Variants in CNTNAP4 observed in about 807,000 individuals in gnomAD.
CNTNAP4 encodes contactin associated protein family member 4, also known as contactin-associated protein-like 4.
CNTNAP4 carries 98 observed loss-of-function variants against 148.4 expected under a neutral mutation model. That is an observed-to-expected ratio of 0.66 (90% confidence interval 0.56 to 0.78). The LOEUF (loss-of-function observed/expected upper bound fraction) is 0.78, where lower values mean the gene tolerates loss of function less well. Among genes scored for constraint, CNTNAP4 ranks in the 30% least tolerant of loss-of-function variants. The pLI is 0.00. For synonymous variants in CNTNAP4, 730 were observed against 565.1 expected (o/e 1.29, Z -4.14); for missense variants, 1,935 against 1,565.6 (o/e 1.24, Z -3.98).
At chr16:76,522,719 T>TCTTGACAGAG (rs1446183871) in intron 17 of CNTNAP4, among the ~76,000 whole-genome samples, 1 of 52,320 alleles carries the variant, frequency 1.9e-5, no homozygotes, top group African/African-American at 8.4e-5. Flanking sequence ...TTCTTTTCTT[T>TCTTGACAGAG]TCTTTTCTTT....
Position 76,388,785 on chromosome 16 carries a change from A to G in CNTNAP4, c.390+33274A>G, listed in dbSNP as rs186491220. Among the ~76,000 whole-genome samples the G allele has an allele frequency of 9.2e-5, 14 of 152,342 alleles. No individual in the cohort carries two copies. The East Asian group carries it at 2.5e-3, about 27-fold the overall frequency. On this transcript the variant is annotated intron_variant, in intron 3 of 23. Transcript: ENST00000611870. The stretch of plus-strand genomic sequence containing the variant: ...GTTATTTATTGATATTTTACATACA[A>G]GGAAATGGGAATCAGAGACTTTTGT...
intron 17 of CNTNAP4, among the ~76,000 whole-genome samples, chr16:76,529,267 A>G (rs756835971): frequency 5.9e-5 from 9 of 151,698 alleles, no homozygotes; most frequent in Non-Finnish European, 1.3e-4. Context: ...TGTGTGATTT[A>G]TGCCTATCTT....
chr16:76,440,592 G>A (rs1017583862), intron 4 of CNTNAP4, among the ~76,000 whole-genome samples: 2 of 152,054 alleles, frequency 1.3e-5, no homozygotes, highest in African/African-American at 4.8e-5. Context: ...TAGGTTTATG[G>A]AACCTACTTG....
At chr16:76,475,718 G>A (rs1224439916) in intron 10 of CNTNAP4, among the ~76,000 whole-genome samples, 1 of 152,162 alleles carries the variant, frequency 6.6e-6, no homozygotes, top group East Asian at 1.9e-4. Context: ...GGGACATGTT[G>A]AAAATTAAGC....
chr16:76,535,085 A>G lies in CNTNAP4; in HGVS notation c.2756-460A>G, dbSNP rs2084158554. Among the ~76,000 whole-genome samples, 3 of 152,228 alleles carry G rather than the reference A, an allele frequency of 2.0e-5. No homozygotes were observed. In the South Asian group the frequency reaches 6.2e-4, roughly 31 times the overall value. ...GAATGGATAACAACCAAAGGACCAT[A>G]TCAATGCACCATCAGAAGATCTCAA... is the stretch of plus-strand genomic sequence containing the variant. On this transcript the variant is annotated intron_variant, in intron 17 of 23. Coordinates refer to ENST00000611870, the MANE Select transcript of CNTNAP4 (RefSeq NM_033401.5).
Position 76,553,321 on chromosome 16 carries a change from G to A in CNTNAP4, c.3481G>A (p.Ala1161Thr), listed in dbSNP as rs1745053434. 1 of 1,612,900 alleles carries A rather than the reference G, an allele frequency of 6.2e-7. No individual in the cohort carries two copies. Among genetic ancestry groups the A allele is most frequent in the South Asian group, 1.1e-5 (1 of 90,910 alleles). Residue 1161 changes from alanine (A) to threonine (T), a missense_variant, in exon 22 of 24, where the codon GCG becomes ACG. Physicochemically the swap from Ala to Thr is moderately conservative, Grantham distance 58. Transcript: ENST00000611870. ...DVDQDTALAGAQGFTGCLSAV... is the reference protein window; with the variant it reads ...DVDQDTALAGTQGFTGCLSAV... ...GGACCAGGATACTGCACTGGCAGGTGCGCAGGGCTTCACAGGCTGCCTCTC... is the reference window on the plus strand; with the variant it reads ...GGACCAGGATACTGCACTGGCAGGTACGCAGGGCTTCACAGGCTGCCTCTC...
intron 3 of CNTNAP4, among the ~76,000 whole-genome samples, chr16:76,392,449 A>G (rs1447967594): frequency 6.6e-6 from 1 of 152,220 alleles, no homozygotes; most frequent in Non-Finnish European, 1.5e-5. Flanking sequence ...AAAAATAGCT[A>G]CTAGAGAAAT....
chr16:76,308,947 T>A (rs1960792233), intron 1 of CNTNAP4, among the ~76,000 whole-genome samples: 1 of 151,634 alleles, frequency 6.6e-6, no homozygotes, highest in Non-Finnish European at 1.5e-5. Context: ...GCCTCAGCCG[T>A]CTGAGTAGCT....
rs185003575 is a variant in CNTNAP4, at chr16:76,430,415, A to G, written c.538+2816A>G. 1.7e-3 allele frequency among the ~76,000 whole-genome samples: 261 copies of G among 152,266 alleles called. 1 individual carries two copies. Among genetic ancestry groups the G allele is most frequent in the African/African-American group, 5.8e-3 (240 of 41,558 alleles). On this transcript the variant is annotated intron_variant, in intron 4 of 23. Transcript: ENST00000611870. ...CTCAGAAGGAAGGGCTGTAGTTGCT[A>G]TCATCACAAGTATCCTGTTGCAAGA...
At chr16:76,477,606 G>T (rs2081639604) in intron 11 of CNTNAP4, among the ~76,000 whole-genome samples, 1 of 151,972 alleles carries the variant, frequency 6.6e-6, no homozygotes, top group Non-Finnish European at 1.5e-5. Flanking sequence ...GTCATTTCTG[G>T]GCATGAATTG....
chr16:76,339,355 A>G (rs11864949), intron 2 of CNTNAP4, among the ~76,000 whole-genome samples: 5,449 of 152,208 alleles, frequency 0.036, 336 homozygotes, highest in African/African-American at 0.13. Context: ...ACGATAGGTT[A>G]TACATAGTGT....
chr16:76,455,215 T>C (rs1347347335), intron 8 of CNTNAP4, among the ~76,000 whole-genome samples: 1 of 152,170 alleles, frequency 6.6e-6, no homozygotes, highest in Admixed American at 6.5e-5. Context: ...AGCAGTACAG[T>C]TTTATGTTCC....
intron 1 of CNTNAP4, among the ~76,000 whole-genome samples, chr16:76,302,249 A>G (rs185781733): frequency 1.7e-3 from 256 of 152,330 alleles, no homozygotes; most frequent in African/African-American, 6.0e-3. Flanking sequence ...AGTAGATCTG[A>G]CAAAATTAAC....
intron 17 of CNTNAP4, among the ~76,000 whole-genome samples, chr16:76,522,868 T>C (rs887393589): frequency 8.6e-5 from 13 of 151,544 alleles, no homozygotes; most frequent in African/African-American, 3.2e-4. Flanking sequence ...GTTCTAGCAA[T>C]TCTCCTACCT....
At chr16:76,401,278 G>C (rs941585847) in intron 3 of CNTNAP4, among the ~76,000 whole-genome samples, 2 of 152,158 alleles carry the variant, frequency 1.3e-5, no homozygotes, top group Middle Eastern at 3.4e-3. Context: ...GTATTCCTAG[G>C]TATTTTATTC....
intron 2 of CNTNAP4, among the ~76,000 whole-genome samples, chr16:76,337,600 A>G (rs1202385849): frequency 6.6e-6 from 1 of 152,174 alleles, no homozygotes; most frequent in African/African-American, 2.4e-5. Flanking sequence ...CATTGTATTG[A>G]TAAACATCTT....
intron 2 of CNTNAP4, among the ~76,000 whole-genome samples, chr16:76,328,508 C>G (rs1016434849): frequency 2.0e-5 from 3 of 152,118 alleles, no homozygotes; most frequent in African/African-American, 7.2e-5. Flanking sequence ...CATGATGTAA[C>G]CTTTATGGGA....
chr16:76,447,076 G>C (rs1329997288), intron 4 of CNTNAP4, among the ~76,000 whole-genome samples: 1 of 152,112 alleles, frequency 6.6e-6, no homozygotes, highest in Non-Finnish European at 1.5e-5. Flanking sequence ...GGGTGGCTGA[G>C]GTAGGCAGAT....
At position 76,521,123 on chromosome 16, in the gene CNTNAP4, T is replaced by A; in HGVS notation, c.2366-17T>A. ...TTCTTTCTGAATTTTTTTTTCTTTT[T>A]TTTTTTCACAAAACAGGATCATTTT... On this transcript the variant is annotated splice_polypyrimidine_tract_variant and intron_variant, in intron 15 of 23. Transcript: ENST00000611870. The A allele has an allele frequency of 1.3e-6, 2 of 1,562,990 alleles. No homozygotes were observed. Among genetic ancestry groups the A allele is most frequent in the Non-Finnish European group, 1.7e-6 (2 of 1,164,770 alleles).
Sources: gnomAD v4.1 joint callset for allele counts (sites outside exome capture counted in the v4.1 genomes callset) on GRCh38, gnomAD v4.1.1 for gene constraint, MANE v1.5 for transcripts, NCBI Gene and HGNC (gene_info 2026-07-23, HGNC 2026-07-21) for gene names.